Variants in TNS1 observed in about 807,000 individuals in gnomAD.
The protein encoded by TNS1 is tensin 1.
In TNS1, 62 loss-of-function variants were observed where a neutral mutation model predicts 168.6. That is an observed-to-expected ratio of 0.37 (90% CI 0.30 to 0.45). The LOEUF (loss-of-function observed/expected upper bound fraction) is 0.45. Ranked by LOEUF, TNS1 falls within the 20% of genes least tolerant of loss-of-function variation. The probability of loss-of-function intolerance (pLI) is 1.00; values close to 1 mark genes in which losing one functional copy is unlikely to be tolerated. For missense variants in TNS1, 2,240 were observed against 2,339.4 expected (o/e 0.96, Z 0.88); for synonymous variants, 934 against 933.2 (o/e 1.00, Z -0.02).
In TNS1 at chr2:218,033,590, C is replaced by G. The variant is rs1368456395; in HGVS notation, c.156+230G>C. ...CTTCTAGGGGTCAGGTCCTATATCA[C>G]CCTCCTCCCAAGGGCACAAGAGACC... On this transcript the variant is annotated intron_variant, in intron 1 of 1. Transcript: ENST00000649572. This position sits in a 1 kb window ranked among gnomAD's most constrained non-coding sequence, Gnocchi z 4.3. Among the ~76,000 whole-genome samples the G allele has an allele frequency of 6.6e-6, 1 of 152,144 alleles. No homozygotes were observed. Among genetic ancestry groups the G allele is most frequent in the African/African-American group, 2.4e-5 (1 of 41,440 alleles).
chr2:217,890,712 G>C (rs1023568790), intron 12 of TNS1: 2 of 558,864 alleles, frequency 3.6e-6, no homozygotes, highest in African/African-American at 3.8e-5. Flanking sequence ...CCCCATGAAG[G>C]TTGCACTGCT....
At chr2:217,831,585 A>C (rs201302881) in intron 21 of TNS1, 38 bp from the exon 22 acceptor site, 18 of 1,428,418 alleles carry the variant, frequency 1.3e-5, no homozygotes, top group Non-Finnish European at 1.8e-6. Context: ...AGGGAGTGAG[A>C]GGTGGGCAGG....
intron 18 of TNS1, among the ~76,000 whole-genome samples, chr2:217,878,021 G>A (rs1950341794): frequency 6.6e-6 from 1 of 152,172 alleles, no homozygotes; most frequent in South Asian, 2.1e-4. Flanking sequence ...ATGGCCCCAG[G>A]TCACCTTGGA....
chr2:217,906,187 A>T, intron 6 of TNS1, 148 bp downstream of exon 6: 1 of 609,258 alleles, frequency 1.6e-6, no homozygotes, highest in East Asian at 2.8e-5. Context: ...GCCTGTAAGG[A>T]AATGGGCCTG....
Position 217,800,818 on chromosome 2 carries a change from G to C in TNS1, c.*3641C>G, listed in dbSNP as rs553471876. The C allele has an allele frequency of 1.3e-5, 2 of 152,176 alleles. No individual in the cohort carries two copies. Among genetic ancestry groups the C allele is most frequent in the African/African-American group, 4.8e-5 (2 of 41,534 alleles). The allele number at this position is 152,176 out of a possible 1,614,324, so 9.4% of individuals were successfully genotyped here. Reference sequence around the variant, plus strand: ...AAAGTAGGAGTGAGACTAAAAAGTGGGAGTGAGACTAGATTTGATCACACT... The same window carrying C: ...AAAGTAGGAGTGAGACTAAAAAGTGCGAGTGAGACTAGATTTGATCACACT... On this transcript the variant is annotated 3_prime_UTR_variant, in exon 33 of 33. Transcript: ENST00000682258.
chr2:217,960,124 C>G (rs1401741147), intron 3 of TNS1, among the ~76,000 whole-genome samples: 4 of 152,108 alleles, frequency 2.6e-5, no homozygotes, highest in Non-Finnish European at 4.4e-5. Context: ...AGTCCCTCCA[C>G]TAACTCACCC....
intron 32 of TNS1, among the ~76,000 whole-genome samples, chr2:217,805,546 C>CATA (rs1938615176): frequency 1.1e-3 from 2 of 1,808 alleles, no homozygotes; most frequent in Non-Finnish European, 2.1e-3. Flanking sequence ...ACACACACCA[C>CATA]CACACACCAC....
Position 217,986,790 on chromosome 2 carries a change from T to G in TNS1, c.148+4152A>C. The G allele has an allele frequency of 6.6e-6, 1 of 152,042 alleles. No homozygotes were observed. The highest frequency in any genetic ancestry group is 2.4e-5 in the African/African-American group (1 of 41,306). 9.4% of individuals were successfully genotyped at this position (152,042 alleles called of 1,614,324 possible). ...ACGCACGCACGTACCTGTGTCAGCT[T>G]TGGTACCGTGCTCCATGATTGTCTG... On this transcript the variant is annotated intron_variant, in intron 2 of 32. Transcript: ENST00000682258. The surrounding 1 kb of genome is among the most constrained non-coding windows in gnomAD (Gnocchi z 4.7).
At chr2:217,860,387 T>C (rs1407844428) in intron 18 of TNS1, among the ~76,000 whole-genome samples, 1 of 152,114 alleles carries the variant, frequency 6.6e-6, no homozygotes, top group African/African-American at 2.4e-5. Flanking sequence ...AAGAGACCAC[T>C]AAAAATAAGG....
intron 22 of TNS1, among the ~76,000 whole-genome samples, chr2:217,829,324 G>A (rs1295727786): frequency 9.2e-5 from 14 of 152,174 alleles, no homozygotes; most frequent in Admixed American, 9.2e-4. Context: ...GGCAGAGGTT[G>A]CAGTGAGCCG....
chr2:218,020,165 G>T (rs941090430), intron 1 of TNS1, among the ~76,000 whole-genome samples: 1 of 152,292 alleles, frequency 6.6e-6, no homozygotes, highest in Non-Finnish European at 1.5e-5. Flanking sequence ...CAATGAGAGC[G>T]AGCAGATGTT....
chr2:217,935,194 G>A (rs768331247), intron 3 of TNS1, among the ~76,000 whole-genome samples: 3 of 152,230 alleles, frequency 2.0e-5, no homozygotes, highest in Non-Finnish European at 4.4e-5. Context: ...GGAGGAAGGA[G>A]TTGCAGCCAG....
At chr2:217,978,955 G>A (rs985185806) in intron 2 of TNS1, 153 bp from the exon 3 acceptor site, 48 of 633,672 alleles carry the variant, frequency 7.6e-5, no homozygotes, top group African/African-American at 7.5e-4. Flanking sequence ...GAGAGGGAGG[G>A]GACGGAGGGG....
intron 20 of TNS1, 96 bp downstream of exon 20, chr2:217,835,919 T>C (rs1012675293): frequency 1.9e-5 from 21 of 1,093,114 alleles, no homozygotes; most frequent in South Asian, 1.2e-4. Flanking sequence ...TCACTGAGTA[T>C]ACTGATATCA....
At chr2:217,942,150 G>A (rs1396164511) in intron 3 of TNS1, among the ~76,000 whole-genome samples, 2 of 152,216 alleles carry the variant, frequency 1.3e-5, no homozygotes, top group South Asian at 2.1e-4. Flanking sequence ...ATGGGATGAG[G>A]GATGGGGAAG....
chr2:217,989,620 C>A (rs2126081230), intron 2 of TNS1, among the ~76,000 whole-genome samples: 1 of 152,228 alleles, frequency 6.6e-6, no homozygotes, highest in Admixed American at 6.5e-5. Context: ...TAATGACAGC[C>A]AAGCCCCGGG....
intron 19 of TNS1, among the ~76,000 whole-genome samples, chr2:217,840,801 T>C (rs562571072): frequency 6.6e-6 from 1 of 152,302 alleles, no homozygotes; most frequent in Admixed American, 6.5e-5. Flanking sequence ...AGCACCCTCA[T>C]TGCAAAGGCC....
intron 4 of TNS1, among the ~76,000 whole-genome samples, chr2:217,916,776 T>G (rs182717361): frequency 6.6e-6 from 1 of 152,286 alleles, no homozygotes; most frequent in African/African-American, 2.4e-5. Flanking sequence ...ATTCTATGTC[T>G]GGGATGAGAG....
At chr2:217,859,362 C>T (rs1304187573) in intron 18 of TNS1, 1 of 421,024 alleles carries the variant, frequency 2.4e-6, no homozygotes, top group Non-Finnish European at 4.2e-6. Flanking sequence ...TTCCCTCTCT[C>T]TCCCCCTTTC....
Sources: gnomAD v4.1 joint callset for allele counts (sites outside exome capture counted in the v4.1 genomes callset) on GRCh38, gnomAD v4.1.1 for gene constraint, Gnocchi (gnomAD v3.1) non-coding constraint, MANE v1.5 for transcripts, NCBI Gene and HGNC (gene_info 2026-07-23, HGNC 2026-07-21) for gene names.